Variants in PTPRQ observed in about 807,000 individuals in gnomAD.
PTPRQ encodes phosphatidylinositol phosphatase PTPRQ.
Under a neutral mutation model 246.0 loss-of-function variants are expected in PTPRQ, and 199 were observed. The ratio of observed to expected loss-of-function variants is 0.81; its 90% CI spans 0.72 to 0.91. PTPRQ has a LOEUF of 0.91. Among genes scored for constraint, PTPRQ ranks in the 40% least tolerant of loss-of-function variants. The pLI is 0.00. For synonymous variants in PTPRQ, 869 were observed against 853.2 expected (o/e 1.02, Z -0.32); for missense variants, 2,624 against 2,528.4 (o/e 1.04, Z -0.81).
intron 39 of PTPRQ, 140 bp downstream of exon 39, chr12:80,658,201 G>C (rs1051805835): frequency 1.0e-5 from 5 of 489,256 alleles, no homozygotes; most frequent in Admixed American, 9.1e-5. Context: ...GCCACATTGT[G>C]TACCCTTATT....
intron 25 of PTPRQ, among the ~76,000 whole-genome samples, chr12:80,576,714 C>T (rs191988023): frequency 6.6e-6 from 1 of 151,676 alleles, no homozygotes; most frequent in African/African-American, 2.4e-5. Context: ...AATTCTTCAT[C>T]TCTGGTGTTT....
chr12:80,468,606 AT>A, intron 6 of PTPRQ, 103 bp from the exon 7 acceptor site: 2 of 1,196,374 alleles, frequency 1.7e-6, no homozygotes, highest in Non-Finnish European at 1.1e-6. Flanking sequence ...TAAGCGCGAT[AT>A]TTTATTTTCC....
chr12:80,544,050 T>A (rs1048038283), intron 23 of PTPRQ, among the ~76,000 whole-genome samples: 1 of 152,124 alleles, frequency 6.6e-6, no homozygotes, highest in Non-Finnish European at 1.5e-5. Context: ...TATATATGGA[T>A]CTTGTCTCCT....
chr12:80,593,760 A>G (rs1001795672), intron 26 of PTPRQ: 4 of 152,110 alleles, frequency 2.6e-5, no homozygotes, highest in African/African-American at 9.7e-5. Flanking sequence ...GTGTGTATAT[A>G]TGTGGTGGTG....
chr12:80,460,142 A>C (rs1264379988), intron 5 of PTPRQ, among the ~76,000 whole-genome samples: 1 of 152,212 alleles, frequency 6.6e-6, no homozygotes, highest in Non-Finnish European at 1.5e-5. Context: ...ACAGTCAAAC[A>C]GTTATTTTTG....
intron 37 of PTPRQ, among the ~76,000 whole-genome samples, chr12:80,651,073 C>A (rs1339795795): frequency 1.3e-5 from 2 of 152,048 alleles, no homozygotes; most frequent in East Asian, 3.9e-4. Flanking sequence ...TTGGCACATA[C>A]AATCAGCACT....
chr12:80,502,389 A>C (rs1227971297), intron 14 of PTPRQ, among the ~76,000 whole-genome samples: 19 of 151,958 alleles, frequency 1.3e-4, no homozygotes, highest in Non-Finnish European at 1.5e-5. Context: ...ACTAAAACAA[A>C]AACATTAGCT....
In PTPRQ at chr12:80,605,171, T is replaced by C. The variant is rs1385453214; in HGVS notation, c.4722T>C (p.Asp1574=). 1 of 1,540,546 alleles carries C rather than the reference T, an allele frequency of 6.5e-7. No homozygotes were observed. Reference sequence around the variant, plus strand: ...CTGGACCAACATGTTATCTGATTGATGTCAAATCGGTAAGGCATGTCTTAC... The same window carrying C: ...CTGGACCAACATGTTATCTGATTGACGTCAAATCGGTAAGGCATGTCTTAC... ...VITGPTCYLI[D]VKSVDNDEFN... Residue 1574 remains aspartate, a synonymous_variant, in exon 27 of 45, where the codon GAT becomes GAC. Coordinates refer to ENST00000644991, the MANE Select transcript of PTPRQ (RefSeq NM_001145026.2).
intron 17 of PTPRQ, chr12:80,512,650 A>G (rs941873721): frequency 1.3e-5 from 2 of 152,184 alleles, no homozygotes; most frequent in African/African-American, 2.4e-5. Flanking sequence ...GCTTTTTGCA[A>G]TGATGCTGGG....
At chr12:80,448,073 G>A (rs1226156334) in intron 3 of PTPRQ, among the ~76,000 whole-genome samples, 2 of 152,030 alleles carry the variant, frequency 1.3e-5, no homozygotes, top group Non-Finnish European at 2.9e-5. Context: ...TTTCATGAGT[G>A]TCTTGTAGTT....
rs1314868993 is a variant in PTPRQ at position 80,445,496 on chromosome 12, G to A, written c.169G>A (p.Gly57Arg). Reference protein sequence around the residue: ...RIVTTNVTKPGPPVFLAGERV... With the variant: ...RIVTTNVTKPRPPVFLAGERV... ...AATGGATTTTTTAAAAATAGAACCA[G>A]GGCCTCCAGTCTTCCTAGCCGGGGA... The change falls in exon 3 of 45, where the codon GGG becomes AGG. Residue 57 changes from glycine (G) to arginine (R), a missense_variant. By Grantham distance (125) the Gly-to-Arg change is moderately radical. Transcript: ENST00000644991. 1 of 1,531,392 alleles carries A rather than the reference G, an allele frequency of 6.5e-7. No individual in the cohort carries two copies. The highest frequency in any genetic ancestry group is 1.4e-5 in the African/African-American group (1 of 72,204). The allele number at this position is 1,531,392 out of a possible 1,614,324, so 94.9% of individuals were successfully genotyped here.
At chr12:80,560,183 C>T (rs1012690775) in intron 25 of PTPRQ, among the ~76,000 whole-genome samples, 50 of 152,330 alleles carry the variant, frequency 3.3e-4, no homozygotes, top group African/African-American at 1.1e-3. Flanking sequence ...CCCTGATGCT[C>T]TGCTCCAGGA....
intron 8 of PTPRQ, among the ~76,000 whole-genome samples, chr12:80,481,284 T>G (rs568382119): frequency 4.1e-4 from 62 of 152,294 alleles, no homozygotes; most frequent in African/African-American, 1.5e-3. Context: ...CACATGATTA[T>G]CTCAATAGAT....
chr12:80,558,119 CTTT>C (rs1896702375), intron 25 of PTPRQ, among the ~76,000 whole-genome samples: 11 of 95,646 alleles, frequency 1.2e-4, no homozygotes, highest in African/African-American at 5.0e-4. Context: ...TCTTTTCTTT[CTTT>C]CTTTTCTTTT....
intron 42 of PTPRQ, among the ~76,000 whole-genome samples, chr12:80,672,680 C>A (rs1056889264): frequency 4.0e-5 from 6 of 151,834 alleles, no homozygotes; most frequent in African/African-American, 1.5e-4. Context: ...ATTTTATTAT[C>A]TATAGGAGGC....
chr12:80,657,598 T>G (rs561136970), intron 38 of PTPRQ, among the ~76,000 whole-genome samples: 1 of 151,950 alleles, frequency 6.6e-6, no homozygotes, highest in African/African-American at 2.4e-5. Context: ...GTTAAATAAC[T>G]ACATTATTAT....
chr12:80,445,519 G>T lies in PTPRQ; in HGVS notation c.192G>T (p.Gly64=), dbSNP rs1410989267. 1.3e-6 allele frequency: 2 copies of T among 1,546,366 alleles called. No individual in the cohort carries two copies. Among genetic ancestry groups the T allele is most frequent in the Non-Finnish European group, 1.7e-6 (2 of 1,144,754 alleles). ...TKPGPPVFLA[G]ERVGSAGILL... is the part of the protein sequence containing the mutation. Reference sequence around the variant, plus strand: ...CAGGGCCTCCAGTCTTCCTAGCCGGGGAAAGAGTCGGATCTGCTGGGATTC... The same window carrying T: ...CAGGGCCTCCAGTCTTCCTAGCCGGTGAAAGAGTCGGATCTGCTGGGATTC... Residue 64 remains glycine (G), a synonymous_variant, in exon 3 of 45, where the codon GGG becomes GGT. Coordinates refer to ENST00000644991, the MANE Select transcript of PTPRQ (RefSeq NM_001145026.2).
At chr12:80,560,082 A>G (rs1896780158) in intron 25 of PTPRQ, among the ~76,000 whole-genome samples, 1 of 152,226 alleles carries the variant, frequency 6.6e-6, no homozygotes, top group Non-Finnish European at 1.5e-5. Context: ...TTTTAGTGAC[A>G]ATAACAAACA....
intron 24 of PTPRQ, among the ~76,000 whole-genome samples, chr12:80,547,348 A>G (rs1198954644): frequency 6.6e-6 from 1 of 152,110 alleles, no homozygotes; most frequent in Non-Finnish European, 1.5e-5. Flanking sequence ...CCATACCTTT[A>G]AAAGCACCTC....
Sources: gnomAD v4.1 joint callset for allele counts (sites outside exome capture counted in the v4.1 genomes callset) on GRCh38, gnomAD v4.1.1 for gene constraint, MANE v1.5 for transcripts, NCBI Gene and HGNC (gene_info 2026-07-23, HGNC 2026-07-21) for gene names.